NUP98: variants seen among roughly 807,000 people sequenced by gnomAD.
The protein encoded by NUP98 is nuclear pore complex protein Nup98-Nup96.
A neutral mutation model predicts 191.9 loss-of-function variants in NUP98; 26 were observed. That is an observed-to-expected ratio of 0.14 (90% CI 0.10 to 0.19). The LOEUF is 0.19. Ranked by LOEUF, NUP98 falls within the 10% of genes least tolerant of loss-of-function variation. NUP98 has a pLI of 1.00. For synonymous variants in NUP98, 808 were observed against 778.4 expected (o/e 1.04, Z -0.63); for missense variants, 1,941 against 2,178.8 (o/e 0.89, Z 2.17).
chr11:3,765,980 A>T (rs1293590540), intron 8 of NUP98, among the ~76,000 whole-genome samples: 2 of 152,132 alleles, frequency 1.3e-5, no homozygotes, highest in African/African-American at 4.8e-5. Flanking sequence ...ATTGTCTACA[A>T]ATGTGAGGGT....
In NUP98 at chr11:3,776,819, G is replaced by A. The variant is rs150148318; in HGVS notation, c.356-798C>T. Among the ~76,000 whole-genome samples, 325 of 151,998 alleles carry A rather than the reference G, an allele frequency of 2.1e-3. 3 individuals are homozygous for A. The highest frequency in any genetic ancestry group is 7.4e-3 in the African/African-American group (305 of 41,454). On this transcript the variant is annotated intron_variant, in intron 4 of 32. Coordinates refer to ENST00000324932, the MANE Select transcript of NUP98 (RefSeq NM_016320.5). Reference sequence around the variant, plus strand: ...AATAGAAATTCATACAGAAAGATACGTACTTCCAGGCTCACAACTTTCAAG... The same window carrying A: ...AATAGAAATTCATACAGAAAGATACATACTTCCAGGCTCACAACTTTCAAG...
At chr11:3,730,711 C>T (rs1024036311) in intron 14 of NUP98, among the ~76,000 whole-genome samples, 1 of 151,754 alleles carries the variant, frequency 6.6e-6, no homozygotes, top group African/African-American at 2.4e-5. Flanking sequence ...ATGTTTTTAA[C>T]GTATCACTTG....
At chr11:3,777,815 A>C (rs1027568058) in intron 4 of NUP98, among the ~76,000 whole-genome samples, 1 of 152,104 alleles carries the variant, frequency 6.6e-6, no homozygotes, top group Admixed American at 6.6e-5. Context: ...GCAAACAGGC[A>C]CATTTCTTTT....
At chr11:3,701,997 A>G (rs2078695044) in intron 23 of NUP98, among the ~76,000 whole-genome samples, 1 of 152,012 alleles carries the variant, frequency 6.6e-6, no homozygotes, top group South Asian at 2.1e-4. Flanking sequence ...TCAACTTTAA[A>G]AATGAAGGAT....
At chr11:3,730,284 G>C (rs1012557382) in intron 14 of NUP98, among the ~76,000 whole-genome samples, 7 of 151,972 alleles carry the variant, frequency 4.6e-5, no homozygotes, top group Non-Finnish European at 1.0e-4. Flanking sequence ...CACAGTCCCT[G>C]TCTTCAAAAT....
chr11:3,780,944 G>A (rs1192473362), intron 2 of NUP98, among the ~76,000 whole-genome samples: 1 of 151,930 alleles, frequency 6.6e-6, no homozygotes, highest in Non-Finnish European at 1.5e-5. Flanking sequence ...GCCGGGCATG[G>A]TGCCATACAC....
intron 18 of NUP98, among the ~76,000 whole-genome samples, chr11:3,718,054 G>C (rs1311095671): frequency 6.6e-6 from 1 of 152,054 alleles, no homozygotes; most frequent in Non-Finnish European, 1.5e-5. Flanking sequence ...CAGTGTCTTT[G>C]GTTACTGAAT....
At position 3,792,178 on chromosome 11, in the gene NUP98, CAAAAAAAAAAAAAAAAAAA is replaced by C. The variant is rs61471948; in HGVS notation, c.-29+5203_-29+5221del. ...CAGGTGACAGAGTGAAACTCCATCTCAAAAAAAAAAAAAAAAAAAAAAAAAAAAAAACATGTATTCACCA... is the reference window on the plus strand; with the variant it reads ...CAGGTGACAGAGTGAAACTCCATCTCAAAAAAAAAAAACATGTATTCACCA... On this transcript the variant is annotated intron_variant, in intron 1 of 32. Transcript: ENST00000324932. 1.0e-4 allele frequency among the ~76,000 whole-genome samples: 6 copies of C among 58,854 alleles called. No homozygotes were observed. The South Asian group carries it at 3.7e-3, about 36-fold the overall frequency. The allele number at this position is 58,854 out of a possible 152,430, so 38.6% of individuals were successfully genotyped here.
At chr11:3,748,916 T>G (rs1438128852) in intron 11 of NUP98, among the ~76,000 whole-genome samples, 4 of 150,818 alleles carry the variant, frequency 2.7e-5, no homozygotes, top group Non-Finnish European at 5.9e-5. Context: ...TCAAATGAAA[T>G]GCTTTCTGGG....
intron 10 of NUP98, among the ~76,000 whole-genome samples, chr11:3,754,920 C>T (rs12286572): frequency 4.0e-5 from 5 of 125,752 alleles, no homozygotes; most frequent in Admixed American, 2.0e-4. Context: ...CCAGCCTAGA[C>T]GACATAGCGA....
chr11:3,732,853 CAA>C (rs2079896571), intron 13 of NUP98, among the ~76,000 whole-genome samples: 1 of 152,202 alleles, frequency 6.6e-6, no homozygotes, highest in Non-Finnish European at 1.5e-5. Context: ...TTACACTTAA[CAA>C]TGAATCTTTG....
At chr11:3,784,411 T>C (rs1330737339) in intron 1 of NUP98, among the ~76,000 whole-genome samples, 1 of 151,676 alleles carries the variant, frequency 6.6e-6, no homozygotes, top group Non-Finnish European at 1.5e-5. Flanking sequence ...CTAAAACCAG[T>C]GGTTCTAGAG....
chr11:3,739,499 G>T (rs1030997838), intron 12 of NUP98, among the ~76,000 whole-genome samples: 1 of 152,010 alleles, frequency 6.6e-6, no homozygotes, highest in Non-Finnish European at 1.5e-5. Flanking sequence ...CACCCGCCTC[G>T]GCCTCCCAAA....
chr11:3,703,802 C>A (rs796668999), intron 22 of NUP98, among the ~76,000 whole-genome samples: 4 of 152,292 alleles, frequency 2.6e-5, no homozygotes, highest in African/African-American at 9.6e-5. Flanking sequence ...ATGTGACCTT[C>A]TGAAGGACAG....
At chr11:3,685,383 G>T (rs4600243) in intron 29 of NUP98, among the ~76,000 whole-genome samples, 65,012 of 152,036 alleles carry the variant, frequency 0.43, 15,667 homozygotes, top group Admixed American at 0.59. Context: ...AAGCAAGCCA[G>T]TGGACACAGA....
Position 3,771,808 on chromosome 11 carries a change from T to C in NUP98, c.724A>G (p.Ser242Gly), listed in dbSNP as rs1287507145. The C allele has an allele frequency of 1.2e-6, 2 of 1,614,170 alleles. No homozygotes were observed. Among genetic ancestry groups the C allele is most frequent in the Non-Finnish European group, 1.7e-6 (2 of 1,180,022 alleles). ...AAGCCTGAATTAGTGGTGGAGGAGC[T>C]GAAGAGTCCTGTTGCGCTGGAAGTG... ...PATSSATGLF[S>G]SSTTNSGFAY... is the part of the protein sequence containing the mutation. Residue 242 changes from serine to glycine, a missense_variant, in exon 7 of 33, where the codon AGC becomes GGC. This residue lies in a region of NUP98 where 181 missense variants were observed against 228.0 expected (regional missense o/e 0.79). Coordinates refer to ENST00000324932, the MANE Select transcript of NUP98 (RefSeq NM_016320.5).
chr11:3,782,599 G>A (rs1318328634), intron 1 of NUP98, among the ~76,000 whole-genome samples: 2 of 118,710 alleles, frequency 1.7e-5, no homozygotes, highest in Non-Finnish European at 3.3e-5. Flanking sequence ...TTTTGAGACA[G>A]AAGGACGTGC....
chr11:3,745,703 C>T (rs2091227527), intron 11 of NUP98, among the ~76,000 whole-genome samples: 1 of 152,076 alleles, frequency 6.6e-6, no homozygotes, highest in Non-Finnish European at 1.5e-5. Context: ...ATCCTCCCAC[C>T]TTAGCCTCTG....
At chr11:3,763,712 C>G in intron 8 of NUP98, among the ~76,000 whole-genome samples, 1 of 152,032 alleles carries the variant, frequency 6.6e-6, no homozygotes, top group Non-Finnish European at 1.5e-5. Flanking sequence ...CCAGGCCTGG[C>G]TAATTTTTGC....
Sources: allele counts gnomAD v4.1 joint callset (sites outside exome capture counted in the v4.1 genomes callset), GRCh38; gene constraint gnomAD v4.1.1; regional missense constraint gnomAD v4.1.1; transcripts MANE v1.5; gene names NCBI Gene and HGNC (gene_info 2026-07-23, HGNC 2026-07-21).